Variants in NFATC2 observed in about 807,000 individuals in gnomAD.
NFATC2 encodes nuclear factor of activated T-cells, cytoplasmic 2.
Under a neutral mutation model 87.3 loss-of-function variants are expected in NFATC2, and 22 were observed. The ratio of observed to expected loss-of-function variants is 0.25; its 90% CI spans 0.18 to 0.36. NFATC2 has a LOEUF of 0.36. Ranked by LOEUF, NFATC2 falls within the 10% of genes least tolerant of loss-of-function variation. The pLI, the probability that NFATC2 is intolerant of heterozygous loss-of-function variation, is 1.00. For synonymous variants in NFATC2, 565 were observed against 542.2 expected, an observed-to-expected ratio of 1.04 and a Z score of -0.58; for missense variants, 1,149 against 1,259.1, an observed-to-expected ratio of 0.91 and a Z score of 1.32.
At chr20:51,434,115 T>C (rs1441181933) in intron 8 of NFATC2, among the ~76,000 whole-genome samples, 2 of 152,150 alleles carry the variant, frequency 1.3e-5, no homozygotes, top group Non-Finnish European at 2.9e-5. Context: ...TGATAGAGTG[T>C]CATGTCTGTC....
In NFATC2 at chr20:51,432,376, G is replaced by T. The variant is rs758646655; in HGVS notation, c.2413C>A (p.Gln805Lys). 148 of 1,611,850 alleles carry T rather than the reference G, an allele frequency of 9.2e-5. No homozygotes were observed. Among genetic ancestry groups the T allele is most frequent in the Non-Finnish European group, 1.2e-4 (142 of 1,178,834 alleles). ...SALLHPSPTN[Q>K]QASPVIHYSP... ...TAGTGGATCACAGGCGAGGCCTGCT[G>T]GTTGGTCGGAGAGGGGTGGAGCAGG... Residue 805 changes from glutamine to lysine, a missense_variant, in exon 9 of 11, where the codon CAG becomes AAG. Gln to Lys is a moderately conservative substitution (Grantham distance 53, BLOSUM62 1). Coordinates refer to ENST00000371564, the MANE Select transcript of NFATC2 (RefSeq NM_012340.5). The surrounding 1 kb of genome is among the most constrained non-coding windows in gnomAD (Gnocchi z 4.6).
intron 3 of NFATC2, among the ~76,000 whole-genome samples, chr20:51,504,559 C>A (rs1445616165): frequency 1.3e-5 from 2 of 152,200 alleles, no homozygotes; most frequent in East Asian, 3.8e-4. Context: ...TTCATGCAAC[C>A]AAACACCACC....
In NFATC2 at chr20:51,487,628, C is replaced by T. The variant is rs75120175; in HGVS notation, c.1333-11968G>A. On this transcript the variant is annotated intron_variant, in intron 3 of 10. Transcript: ENST00000371564. ...ACTACAGCCACAGCTGAAAAAGAACCCCAAGATGGTGAAGAGGCAAAAGCT... is the reference window on the plus strand; with the variant it reads ...ACTACAGCCACAGCTGAAAAAGAACTCCAAGATGGTGAAGAGGCAAAAGCT... 5.7e-3 allele frequency among the ~76,000 whole-genome samples: 870 copies of T among 152,258 alleles called. 14 individuals carry two copies. The highest frequency in any genetic ancestry group is 0.042 in the Admixed American group (638 of 15,288).
chr20:51,492,404 C>G (rs908310708), intron 3 of NFATC2, among the ~76,000 whole-genome samples: 2 of 152,200 alleles, frequency 1.3e-5, no homozygotes, highest in African/African-American at 4.8e-5. Flanking sequence ...GGCACGCCAC[C>G]CCAGAGAAGT....
chr20:51,396,048 ATAT>A, intron 10 of NFATC2, among the ~76,000 whole-genome samples: 1 of 4,982 alleles, frequency 2.0e-4, no homozygotes, highest in Admixed American at 1.7e-3. Flanking sequence ...GTATATATAT[ATAT>A]ATATATATAT....
chr20:51,477,555 A>ATG (rs971599605), intron 3 of NFATC2, among the ~76,000 whole-genome samples: 1 of 119,354 alleles, frequency 8.4e-6, no homozygotes, highest in Non-Finnish European at 1.8e-5. Context: ...ATATATATAT[A>ATG]TATATATATA....
At chr20:51,531,752 C>G (rs1044397363) in intron 1 of NFATC2, among the ~76,000 whole-genome samples, 3 of 152,200 alleles carry the variant, frequency 2.0e-5, no homozygotes, top group Non-Finnish European at 4.4e-5. Flanking sequence ...ATGGGGCCTA[C>G]TGGATTATTA....
chr20:51,477,784 G>A (rs1195983032), intron 3 of NFATC2, among the ~76,000 whole-genome samples: 1 of 151,702 alleles, frequency 6.6e-6, no homozygotes, highest in Non-Finnish European at 1.5e-5. Context: ...CCAGTCACCT[G>A]CCAAAAGGCA....
Position 51,391,350 on chromosome 20 carries a change from C to G in NFATC2, c.*146G>C, listed in dbSNP as rs1209453700. ...ACAGAAGGTGAGGGGCTGTGGAGGG[C>G]TCCGAGGGGTCAGATACAGAAGGTG... On this transcript the variant is annotated 3_prime_UTR_variant, in exon 11 of 11. Coordinates refer to ENST00000371564, the MANE Select transcript of NFATC2 (RefSeq NM_012340.5). 4 of 1,595,228 alleles carry G rather than the reference C, an allele frequency of 2.5e-6. No individual in the cohort carries two copies. The highest frequency in any genetic ancestry group is 1.7e-4 in the Middle Eastern group (1 of 6,004).
intron 1 of NFATC2, among the ~76,000 whole-genome samples, chr20:51,539,580 G>T (rs547555507): frequency 1.9e-4 from 29 of 152,274 alleles, no homozygotes; most frequent in African/African-American, 6.5e-4. Context: ...AACTCCTGGG[G>T]TTAAGAGATT....
intron 1 of NFATC2, among the ~76,000 whole-genome samples, chr20:51,559,576 C>T (rs1023982931): frequency 6.6e-6 from 1 of 152,244 alleles, no homozygotes; most frequent in Non-Finnish European, 1.5e-5. Flanking sequence ...TGCCCAACCC[C>T]TCCTCCAGGA....
chr20:51,501,689 C>G (rs1219672352), intron 3 of NFATC2, among the ~76,000 whole-genome samples: 1 of 152,152 alleles, frequency 6.6e-6, no homozygotes. Flanking sequence ...CTTCTTATAG[C>G]TTTTTTACAA....
chr20:51,415,087 C>A (rs531539139), intron 9 of NFATC2, among the ~76,000 whole-genome samples: 7 of 151,412 alleles, frequency 4.6e-5, no homozygotes, highest in Admixed American at 1.3e-4. Context: ...CCCATCTCTA[C>A]AAAAAATAAC....
intron 5 of NFATC2, among the ~76,000 whole-genome samples, chr20:51,463,605 C>A (rs1057204881): frequency 1.3e-5 from 2 of 152,166 alleles, no homozygotes; most frequent in Non-Finnish European, 2.9e-5. Context: ...GGAACCCAGG[C>A]AGCCGGGACA....
intron 6 of NFATC2, among the ~76,000 whole-genome samples, chr20:51,448,379 C>T (rs1039615184): frequency 1.2e-4 from 18 of 152,200 alleles, no homozygotes; most frequent in African/African-American, 3.9e-4. Context: ...CAGTGGCTCG[C>T]GCCTGTAATC....
chr20:51,420,166 T>G (rs1299429047), intron 9 of NFATC2, among the ~76,000 whole-genome samples: 1 of 152,226 alleles, frequency 6.6e-6, no homozygotes, highest in Non-Finnish European at 1.5e-5. Context: ...TCATTGTTGA[T>G]GAAGGAAAGT....
intron 9 of NFATC2, among the ~76,000 whole-genome samples, chr20:51,413,188 G>C (rs2146278621): frequency 6.6e-6 from 1 of 152,016 alleles, no homozygotes; most frequent in Non-Finnish European, 1.5e-5. Context: ...CCAGTGGCCA[G>C]CACATTTTTG....
intron 9 of NFATC2, among the ~76,000 whole-genome samples, chr20:51,430,242 A>G (rs1286769446): frequency 6.6e-6 from 1 of 152,066 alleles, no homozygotes; most frequent in Non-Finnish European, 1.5e-5. Context: ...ACAGACACTC[A>G]TTTATTTATA....
intron 6 of NFATC2, among the ~76,000 whole-genome samples, chr20:51,451,692 C>A (rs931521635): frequency 1.3e-5 from 2 of 152,196 alleles, no homozygotes; most frequent in Admixed American, 6.5e-5. Flanking sequence ...ACCGCCTGAG[C>A]GCTGCCTCCT....
Sources: gnomAD v4.1 joint callset for allele counts (sites outside exome capture counted in the v4.1 genomes callset) on GRCh38, gnomAD v4.1.1 for gene constraint, Gnocchi (gnomAD v3.1) non-coding constraint, MANE v1.5 for transcripts, NCBI Gene and HGNC (gene_info 2026-07-23, HGNC 2026-07-21) for gene names.